Variants in CDH9 observed in about 807,000 individuals in gnomAD.
CDH9 encodes cadherin 9.
CDH9 carries 28 observed loss-of-function variants against 70.9 expected under a neutral mutation model. The observed-to-expected ratio is 0.40, with a 90% confidence interval of 0.29 to 0.54. CDH9 has a LOEUF of 0.54. Ranked by LOEUF, CDH9 falls within the 20% of genes least tolerant of loss-of-function variation. The pLI, the probability that CDH9 is intolerant of heterozygous loss-of-function variation, is 0.59. For synonymous variants in CDH9, 409 were observed against 343.1 expected, an observed-to-expected ratio of 1.19 and a Z score of -2.12; for missense variants, 874 against 984.4, an observed-to-expected ratio of 0.89 and a Z score of 1.50.
At chr5:26,932,165 C>CA (rs1328232743) in intron 2 of CDH9, among the ~76,000 whole-genome samples, 1 of 151,194 alleles carries the variant, frequency 6.6e-6, no homozygotes. Flanking sequence ...ATTTTATTGT[C>CA]AAAAAAATCT....
Position 27,020,465 on chromosome 5 carries a change from T to C in CDH9, c.-50+17998A>G, listed in dbSNP as rs532888272. 7.9e-5 allele frequency among the ~76,000 whole-genome samples: 12 copies of C among 151,732 alleles called. No individual in the cohort carries two copies. In the East Asian group the frequency reaches 2.1e-3, roughly 27 times the overall value. Reference sequence around the variant, plus strand: ...ACTGCAGAATAATAAACTAAAAAAATTAACCAAATGTGATGATAATTTGCT... The same window carrying C: ...ACTGCAGAATAATAAACTAAAAAAACTAACCAAATGTGATGATAATTTGCT... On this transcript the variant is annotated intron_variant, in intron 1 of 11. Transcript: ENST00000231021.
chr5:26,997,249 ATGTG>A (rs1012279316), intron 1 of CDH9, among the ~76,000 whole-genome samples: 1 of 151,970 alleles, frequency 6.6e-6, no homozygotes, highest in African/African-American at 2.4e-5. Context: ...TGAGATGCAT[ATGTG>A]TGTGTGTATA....
At chr5:26,995,559 A>G (rs1742651496) in intron 1 of CDH9, among the ~76,000 whole-genome samples, 1 of 152,212 alleles carries the variant, frequency 6.6e-6, no homozygotes, top group Non-Finnish European at 1.5e-5. Flanking sequence ...TTTTTCATTT[A>G]GAGAACATCA....
At chr5:27,002,750 T>A (rs1208389038) in intron 1 of CDH9, among the ~76,000 whole-genome samples, 2 of 151,250 alleles carry the variant, frequency 1.3e-5, no homozygotes, top group African/African-American at 4.9e-5. Context: ...AAGGTGAACA[T>A]CACATACCAG....
rs1466220146 is a variant in CDH9, at chr5:26,903,744, C to A, written c.892G>T (p.Gly298Trp). 8.7e-6 allele frequency: 14 copies of A among 1,608,150 alleles called. No homozygotes were observed. The highest frequency in any genetic ancestry group is 1.2e-5 in the Non-Finnish European group (14 of 1,176,302). Residue 298 changes from glycine to tryptophan, a missense_variant, in exon 6 of 12, where the codon GGG (glycine) becomes TGG (tryptophan). Transcript: ENST00000231021. ...CTATACTCCATTTCTGCATTTTCCC[C>A]CACGTCAGGGTCATTGGCTTTTATC... ...GRIKANDPDV[G>W]ENAEMEYSIA...
intron 2 of CDH9, among the ~76,000 whole-genome samples, chr5:26,969,268 G>A (rs549391919): frequency 6.6e-6 from 1 of 152,192 alleles, no homozygotes; most frequent in African/African-American, 2.4e-5. Flanking sequence ...TTGGAGAATT[G>A]TCCAAAGTAT....
At chr5:27,033,453 G>A (rs1743342201) in intron 1 of CDH9, among the ~76,000 whole-genome samples, 1 of 144,612 alleles carries the variant, frequency 6.9e-6, no homozygotes, top group South Asian at 2.1e-4. Context: ...CAGATATAAA[G>A]ATATAAAGAC....
At chr5:26,959,378 A>G (rs973783100) in intron 2 of CDH9, among the ~76,000 whole-genome samples, 2 of 152,122 alleles carry the variant, frequency 1.3e-5, no homozygotes, top group African/African-American at 4.8e-5. Flanking sequence ...GGTTGTAGAG[A>G]AATTGGAATA....
At chr5:26,923,038 CCTAT>C (rs1236799928) in intron 2 of CDH9, among the ~76,000 whole-genome samples, 2 of 144,898 alleles carry the variant, frequency 1.4e-5, no homozygotes, top group Non-Finnish European at 3.0e-5. Flanking sequence ...TTTAAACCCT[CCTAT>C]CTAAGACATA....
At chr5:27,011,557 TGA>T (rs776844453) in intron 1 of CDH9, among the ~76,000 whole-genome samples, 1 of 152,028 alleles carries the variant, frequency 6.6e-6, no homozygotes, top group Non-Finnish European at 1.5e-5. Context: ...CCTCCAGAAC[TGA>T]GAGAGAACAC....
chr5:27,021,311 T>C (rs1042004252), intron 1 of CDH9, among the ~76,000 whole-genome samples: 1 of 151,876 alleles, frequency 6.6e-6, no homozygotes, highest in African/African-American at 2.4e-5. Context: ...GACATATTAA[T>C]AGTCAGCACT....
chr5:26,923,069 T>TAAAAAAAAAAAAAAAAAAAAAA (rs56883597), intron 2 of CDH9, among the ~76,000 whole-genome samples: 6 of 95,058 alleles, frequency 6.3e-5, no homozygotes, highest in Non-Finnish European at 8.7e-5. Context: ...TTACATGAAT[T>TAAAAAAAAAAAAAAAAAAAAAA]AAAAAAAAAA....
At chr5:26,961,922 A>G (rs544759153) in intron 2 of CDH9, among the ~76,000 whole-genome samples, 1 of 152,046 alleles carries the variant, frequency 6.6e-6, no homozygotes, top group Admixed American at 6.6e-5. Context: ...GGTTTGCCAC[A>G]CCCATCAACT....
intron 1 of CDH9, among the ~76,000 whole-genome samples, chr5:27,013,700 G>GA (rs1262464872): frequency 6.6e-6 from 1 of 151,482 alleles, no homozygotes; most frequent in Non-Finnish European, 1.5e-5. Flanking sequence ...TATATTGCAA[G>GA]AAAAAAATAC....
chr5:26,931,134 C>G lies in CDH9; in HGVS notation c.229-15210G>C, dbSNP rs147900364. ...AAATTCACTGTTTTTAGAAATTGGACAGCAGAAAAGAAGCAACATGACAAG... is the reference window on the plus strand; with the variant it reads ...AAATTCACTGTTTTTAGAAATTGGAGAGCAGAAAAGAAGCAACATGACAAG... On this transcript the variant is annotated intron_variant, in intron 2 of 11. Transcript: ENST00000231021. Among the ~76,000 whole-genome samples, 35 of 152,222 alleles carry G rather than the reference C, an allele frequency of 2.3e-4. No individual in the cohort carries two copies. In the East Asian group the frequency reaches 6.0e-3, roughly 26 times the overall value.
At chr5:26,995,674 C>A (rs969328253) in intron 1 of CDH9, among the ~76,000 whole-genome samples, 1 of 152,086 alleles carries the variant, frequency 6.6e-6, no homozygotes, top group Admixed American at 6.6e-5. Flanking sequence ...TTAAAGATAG[C>A]AAGCTTTTTA....
Position 26,890,468 on chromosome 5 carries a change from T to G in CDH9, c.1350A>C (p.Ser450=), listed in dbSNP as rs765294287. Residue 450 remains serine, a synonymous_variant, in exon 8 of 12, where the codon TCA becomes TCC. Coordinates refer to ENST00000231021, the MANE Select transcript of CDH9 (RefSeq NM_016279.4). ...IFTLKALDRE[S]SPWHNITVTA... ...TAACAGTGATGTTATGCCAAGGAGA[T>G]GATTCCCGGTCAAGGGCTTTCAAAG... 1 of 1,613,614 alleles carries G rather than the reference T, an allele frequency of 6.2e-7. No individual in the cohort carries two copies. Among genetic ancestry groups the G allele is most frequent in the Non-Finnish European group, 8.5e-7 (1 of 1,179,588 alleles).
chr5:27,023,895 T>C (rs999694050), intron 1 of CDH9, among the ~76,000 whole-genome samples: 7 of 151,592 alleles, frequency 4.6e-5, no homozygotes, highest in African/African-American at 1.7e-4. Context: ...CTACTAAAAA[T>C]ACAACACTTA....
At position 26,915,745 on chromosome 5, in the gene CDH9, C is replaced by T. The variant is rs779138512; in HGVS notation, c.408G>A (p.Gly136=). 3 of 1,613,620 alleles carry T rather than the reference C, an allele frequency of 1.9e-6. No individual in the cohort carries two copies. Among genetic ancestry groups the T allele is most frequent in the South Asian group, 1.1e-5 (1 of 91,062 alleles). Residue 136 remains glycine (G), a synonymous_variant, in exon 3 of 12, where the codon GGG becomes GGA. Coordinates refer to ENST00000231021, the MANE Select transcript of CDH9 (RefSeq NM_016279.4). The part of the protein sequence containing the change: ...LRAKAIDRKT[G]RQVEPESEFI... Reference sequence around the variant, plus strand: ...ATTCCGATTCCGGTTCCACCTGCCGCCCAGTTTTTCTGTCTATAGCCTTGG... The same window carrying T: ...ATTCCGATTCCGGTTCCACCTGCCGTCCAGTTTTTCTGTCTATAGCCTTGG...
Sources: gnomAD v4.1 joint callset for allele counts (sites outside exome capture counted in the v4.1 genomes callset) on GRCh38, gnomAD v4.1.1 for gene constraint, MANE v1.5 for transcripts, NCBI Gene and HGNC (gene_info 2026-07-23, HGNC 2026-07-21) for gene names.